Variants in MAK16 observed in about 807,000 individuals in gnomAD.
MAK16 encodes MAK16 homolog, also known as protein MAK16 homolog.
In MAK16, 12 loss-of-function variants were observed where a neutral mutation model predicts 49.9. That is an observed-to-expected ratio of 0.24 (90% confidence interval 0.15 to 0.39). The LOEUF (loss-of-function observed/expected upper bound fraction) is 0.39, where lower values mean the gene tolerates loss of function less well. MAK16 is among the 10% of genes least tolerant of loss of function. The pLI is 1.00. For synonymous variants in MAK16, 115 were observed against 126.4 expected (o/e 0.91, Z 0.60); for missense variants, 292 against 363.7 (o/e 0.80, Z 1.60).
At position 33,499,111 on chromosome 8, in the gene MAK16, C is replaced by T. The variant is rs551359589; in HGVS notation, c.*482C>T. The T allele has an allele frequency of 6.1e-6, 8 of 1,321,178 alleles. No individual in the cohort carries two copies. Among genetic ancestry groups the T allele is most frequent in the Admixed American group, 5.1e-5 (3 of 58,824 alleles). The allele number at this position is 1,321,178 out of a possible 1,614,324, so 81.8% of individuals were successfully genotyped here. A position where few individuals can be genotyped will look rare whatever the true frequency, so the allele number is the denominator to read the frequency against. On this transcript the variant is annotated 3_prime_UTR_variant, in exon 10 of 10. Transcript: ENST00000360128. ...AAAAATATCTTTTTTTCTTAAATAACTCCATTCATACAAATTGGGATGGGA... is the reference window on the plus strand; with the variant it reads ...AAAAATATCTTTTTTTCTTAAATAATTCCATTCATACAAATTGGGATGGGA...
At chr8:33,494,875 T>TCCACACCA (rs1302466946) in intron 6 of MAK16, among the ~76,000 whole-genome samples, 27 of 152,140 alleles carry the variant, frequency 1.8e-4, no homozygotes, top group Non-Finnish European at 4.4e-5. Flanking sequence ...GCCTCCTGGG[T>TCCACACCA]TCACACCATT....
rs1487814948 is a variant in MAK16 at position 33,489,807 on chromosome 8, A to G, written c.393-478A>G. The stretch of plus-strand genomic sequence containing the variant: ...CACTGAAAACTAATTTTTAAAAGTG[A>G]TATGAAATCCCCAGAATTAACAGAA... On this transcript the variant is annotated intron_variant, in intron 5 of 9. Transcript: ENST00000360128. This position sits in a 1 kb window ranked among gnomAD's most constrained non-coding sequence, Gnocchi z 4.2. Among the ~76,000 whole-genome samples, 1 of 152,198 alleles carries G rather than the reference A, an allele frequency of 6.6e-6. No homozygotes were observed. Among genetic ancestry groups the G allele is most frequent in the African/African-American group, 2.4e-5 (1 of 41,460 alleles).
chr8:33,492,021 T>C (rs1309120368), intron 6 of MAK16, among the ~76,000 whole-genome samples: 2 of 151,964 alleles, frequency 1.3e-5, no homozygotes, highest in African/African-American at 4.8e-5. Context: ...TGTTTTGTTT[T>C]GTTTTTGAGA....
At chr8:33,488,146 T>G (rs1057328251) in intron 1 of MAK16, among the ~76,000 whole-genome samples, 17 of 152,160 alleles carry the variant, frequency 1.1e-4, no homozygotes, top group African/African-American at 3.9e-4. Context: ...CAGGCTGGTC[T>G]CAAACTCCTC....
At chr8:33,497,347 AAAAAAAAC>A (rs763743904) in intron 9 of MAK16, 50 bp downstream of exon 9, 757 of 1,302,488 alleles carry the variant, frequency 5.8e-4, no homozygotes, top group South Asian at 9.1e-4. Context: ...GCAAAAAAAA[AAAAAAAAC>A]AAAAACAGGG....
rs372612440 is a variant in MAK16, at chr8:33,490,349, T to A, written c.447+10T>A. On this transcript the variant is annotated intron_variant, in intron 6 of 9. Coordinates refer to ENST00000360128, the MANE Select transcript of MAK16 (RefSeq NM_032509.4). Reference sequence around the variant, plus strand: ...GGAGAAAAGAAGAGAGGTAACTTATTGTTGAGATATTCATACCTTCTACAT... The same window carrying A: ...GGAGAAAAGAAGAGAGGTAACTTATAGTTGAGATATTCATACCTTCTACAT... The A allele has an allele frequency of 1.9e-6, 3 of 1,609,758 alleles. No homozygotes were observed. Among genetic ancestry groups the A allele is most frequent in the Non-Finnish European group, 2.6e-6 (3 of 1,176,314 alleles).
rs766374535 is a variant in MAK16 at position 33,495,661 on chromosome 8, G to A, written c.522+45G>A. ...TGGGGTACTGAAATTTTAAGTGGTA[G>A]TATGTTGCTAAGACATATTGGGAAT... On this transcript the variant is annotated intron_variant, in intron 7 of 9. Coordinates refer to ENST00000360128, the MANE Select transcript of MAK16 (RefSeq NM_032509.4). The A allele has an allele frequency of 4.0e-6, 3 of 746,826 alleles. No homozygotes were observed. The South Asian group carries it at 4.3e-5, about 11-fold the overall frequency. 46.3% of individuals were successfully genotyped at this position (746,826 alleles called of 1,614,324 possible). A position where few individuals can be genotyped will look rare whatever the true frequency, so the allele number is the denominator to read the frequency against.
chr8:33,487,623 A>G (rs961102255), intron 1 of MAK16, among the ~76,000 whole-genome samples: 4 of 152,022 alleles, frequency 2.6e-5, no homozygotes, highest in African/African-American at 9.7e-5. Flanking sequence ...GGGTTTCACC[A>G]TGTTGGCCAG....
chr8:33,497,605 CCTT>C (rs1216198133), intron 9 of MAK16, among the ~76,000 whole-genome samples: 1 of 151,884 alleles, frequency 6.6e-6, no homozygotes, highest in Non-Finnish European at 1.5e-5. Flanking sequence ...CGATTCTCCT[CCTT>C]CAGCCTCCCA....
rs1202177263 is a variant in MAK16 at position 33,489,796 on chromosome 8, T to G, written c.393-489T>G. 6.6e-6 allele frequency among the ~76,000 whole-genome samples: 1 copy of G among 152,168 alleles called. No homozygotes were observed. The highest frequency in any genetic ancestry group is 1.9e-4 in the East Asian group (1 of 5,186). On this transcript the variant is annotated intron_variant, in intron 5 of 9. Transcript: ENST00000360128. The surrounding 1 kb of genome is among the most constrained non-coding windows in gnomAD (Gnocchi z 4.2). ...TACTCTGGATTCACTGAAAACTAAT[T>G]TTTAAAAGTGATATGAAATCCCCAG...
chr8:33,500,577 T>C lies in MAK16; in HGVS notation c.*1948T>C. On this transcript the variant is annotated 3_prime_UTR_variant, in exon 10 of 10. Transcript: ENST00000360128. ...CTTCAAAGACTGTCAAGTGGAAAGC[T>C]ATCATTTCCTAAATTAAGGAACTTA... 6.7e-7 allele frequency: 1 copy of C among 1,491,284 alleles called. No homozygotes were observed. The highest frequency in any genetic ancestry group is 9.1e-7 in the Non-Finnish European group (1 of 1,094,744). 92.4% of individuals were successfully genotyped at this position (1,491,284 alleles called of 1,614,324 possible).
At chr8:33,490,195 G>A in intron 5 of MAK16, 90 bp from the exon 6 acceptor site, 1 of 1,065,790 alleles carries the variant, frequency 9.4e-7, no homozygotes, top group East Asian at 2.4e-5. Flanking sequence ...TTCCATTTTA[G>A]TCACCAATTC....
In MAK16 at chr8:33,489,359, A is replaced by C; in HGVS notation, c.392+220A>C. 2.1e-6 allele frequency: 1 copy of C among 474,202 alleles called. No individual in the cohort carries two copies. The highest frequency in any genetic ancestry group is 3.7e-6 in the Non-Finnish European group (1 of 272,230). The allele number at this position is 474,202 out of a possible 1,614,324, so 29.4% of individuals were successfully genotyped here. A position where few individuals can be genotyped will look rare whatever the true frequency, so the allele number is the denominator to read the frequency against. On this transcript the variant is annotated intron_variant, in intron 5 of 9. Coordinates refer to ENST00000360128, the MANE Select transcript of MAK16 (RefSeq NM_032509.4). The surrounding 1 kb of genome is among the most constrained non-coding windows in gnomAD (Gnocchi z 4.2). ...CTTGATTATCACCCTCCTTGTCTGA[A>C]AATCTTTCAGAAAATTTTATTTTCT... is the stretch of plus-strand genomic sequence containing the variant.
intron 1 of MAK16, among the ~76,000 whole-genome samples, chr8:33,486,130 G>T (rs1314333564): frequency 1.3e-5 from 2 of 152,226 alleles, no homozygotes; most frequent in Admixed American, 6.5e-5. Context: ...CCAGGGCGAG[G>T]TCATGCAGAA....
At chr8:33,496,226 C>T (rs926133567) in intron 7 of MAK16, among the ~76,000 whole-genome samples, 2 of 152,078 alleles carry the variant, frequency 1.3e-5, no homozygotes, top group Non-Finnish European at 2.9e-5. Context: ...TTACCCTAGT[C>T]TTTTAAGGCT....
At chr8:33,497,585 C>T (rs148274973) in intron 9 of MAK16, among the ~76,000 whole-genome samples, 48 of 152,004 alleles carry the variant, frequency 3.2e-4, no homozygotes, top group African/African-American at 9.6e-4. Flanking sequence ...CTCAGCCTCC[C>T]GGGTTCAAGC....
In MAK16 at chr8:33,500,575, G is replaced by T; in HGVS notation, c.*1946G>T. The T allele has an allele frequency of 6.6e-7, 1 of 1,509,268 alleles. No homozygotes were observed. Among genetic ancestry groups the T allele is most frequent in the Non-Finnish European group, 9.0e-7 (1 of 1,108,016 alleles). 93.5% of individuals were successfully genotyped at this position (1,509,268 alleles called of 1,614,324 possible). A position where few individuals can be genotyped will look rare whatever the true frequency, so the allele number is the denominator to read the frequency against. On this transcript the variant is annotated 3_prime_UTR_variant, in exon 10 of 10. Coordinates refer to ENST00000360128, the MANE Select transcript of MAK16 (RefSeq NM_032509.4). ...GACTTCAAAGACTGTCAAGTGGAAA[G>T]CTATCATTTCCTAAATTAAGGAACT...
intron 6 of MAK16, among the ~76,000 whole-genome samples, chr8:33,493,856 T>A (rs1483688746): frequency 6.6e-6 from 1 of 152,188 alleles, no homozygotes; most frequent in East Asian, 1.9e-4. Context: ...ATAGGAGACA[T>A]GTTTTCAGCA....
rs768515770 is a variant in MAK16 at position 33,488,996 on chromosome 8, T to C, written c.249T>C (p.Leu83=). Residue 83 remains leucine, a synonymous_variant, in exon 5 of 10, where the codon CTT becomes CTC. Transcript: ENST00000360128. ...CTGTTTCTGTTTGGTAGGTCCGGCTTAGTAAAAACTATGAGAAAGCACTGG... is the reference window on the plus strand; with the variant it reads ...CTGTTTCTGTTTGGTAGGTCCGGCTCAGTAAAAACTATGAGAAAGCACTGG... ...FPRRLWERVR[L]SKNYEKALEQ... 1 of 1,614,034 alleles carries C rather than the reference T, an allele frequency of 6.2e-7. No homozygotes were observed. The highest frequency in any genetic ancestry group is 1.3e-5 in the African/African-American group (1 of 74,922).
Sources: gnomAD v4.1 joint callset for allele counts (sites outside exome capture counted in the v4.1 genomes callset) on GRCh38, gnomAD v4.1.1 for gene constraint, Gnocchi (gnomAD v3.1) non-coding constraint, MANE v1.5 for transcripts, NCBI Gene and HGNC (gene_info 2026-07-23, HGNC 2026-07-21) for gene names.